Variants in GART observed in about 807,000 individuals in gnomAD.
GART encodes the protein trifunctional purine biosynthetic protein adenosine-3.
A neutral mutation model predicts 107.2 loss-of-function variants in GART; 43 were observed. The observed-to-expected ratio is 0.40, with a 90% CI of 0.31 to 0.52. The LOEUF (loss-of-function observed/expected upper bound fraction) is 0.52. Ranked by LOEUF, GART falls within the 20% of genes least tolerant of loss-of-function variation. The pLI, the probability that GART is intolerant of heterozygous loss-of-function variation, is 0.52. For missense variants in GART, 1,107 were observed against 1,206.5 expected, an observed-to-expected ratio of 0.92 and a Z score of 1.22; for synonymous variants, 434 against 427.0, an observed-to-expected ratio of 1.02 and a Z score of -0.20.
intron 18 of GART, among the ~76,000 whole-genome samples, chr21:33,506,535 G>T (rs1317984568): frequency 2.0e-5 from 3 of 152,036 alleles, no homozygotes; most frequent in Non-Finnish European, 4.4e-5. Flanking sequence ...GATATGTGAG[G>T]CTTCTAAATT....
Position 33,524,960 on chromosome 21 carries a change from A to G in GART, c.1107T>C (p.His369=), listed in dbSNP as rs577498572. ...TGCCATTTTTGAGGGCAGTGCCTGC[A>G]TGGAACACCTCCAGTCCTAGAGCTT... The part of the protein sequence containing the change: ...EAQALGLEVF[H]AGTALKNGKV... Residue 369 remains histidine, a synonymous_variant, in exon 11 of 22, where the codon CAT becomes CAC. Transcript: ENST00000381815. 1.5e-5 allele frequency: 24 copies of G among 1,614,224 alleles called. No homozygotes were observed. Among genetic ancestry groups the G allele is most frequent in the African/African-American group, 8.0e-5 (6 of 75,062 alleles).
In GART at chr21:33,517,584, T is replaced by C; in HGVS notation, c.1727A>G (p.Asp576Gly). The change falls in exon 15 of 22, where the codon GAC becomes GGC. Residue 576 changes from aspartate (D) to glycine (G), a missense_variant. Asp to Gly is a moderately conservative substitution (Grantham distance 94). Transcript: ENST00000381815. The part of the protein sequence containing the change: ...LLGGETAEMP[D>G]MYPPGEYDLA... ...GTCATACTCTCCAGGGGGATACATG[T>C]CAGGCATTTCTGCTGTTTCACCTCC... 2 of 1,614,220 alleles carry C rather than the reference T, an allele frequency of 1.2e-6. No individual in the cohort carries two copies. The highest frequency in any genetic ancestry group is 1.7e-6 in the Non-Finnish European group (2 of 1,180,028).
intron 10 of GART, among the ~76,000 whole-genome samples, chr21:33,526,001 C>G (rs2085067253): frequency 1.3e-5 from 2 of 151,570 alleles, no homozygotes; most frequent in African/African-American, 4.9e-5. Context: ...TCCTGAGTAG[C>G]TGGGACTACA....
At chr21:33,528,756 T>TA (rs57178645) in intron 8 of GART, 94 bp downstream of exon 8, 144,856 of 791,556 alleles carry the variant, frequency 0.18, 2,891 homozygotes, top group Admixed American at 0.21. Flanking sequence ...TAAAAAGTGG[T>TA]AAAAAAAAAA....
chr21:33,528,814 T>C (rs1230187790), intron 8 of GART, 36 bp downstream of exon 8: 1 of 1,410,812 alleles, frequency 7.1e-7, no homozygotes, highest in Non-Finnish European at 9.9e-7. Context: ...AAAGTTACTC[T>C]ATAGGTGGCT....
At position 33,533,602 on chromosome 21, in the gene GART, C is replaced by A. The variant is rs78833496; in HGVS notation, c.416+977G>T. Among the ~76,000 whole-genome samples, 1,265 of 151,676 alleles carry A rather than the reference C, an allele frequency of 8.3e-3. 22 individuals are homozygous for A. The highest frequency in any genetic ancestry group is 0.029 in the African/African-American group (1,218 of 41,358). Reference sequence around the variant, plus strand: ...TTCTTTATGTTGTAAGATGCCACTGCGTTTGTCAATCTGACCGTGAGGCCT... The same window carrying A: ...TTCTTTATGTTGTAAGATGCCACTGAGTTTGTCAATCTGACCGTGAGGCCT... On this transcript the variant is annotated intron_variant, in intron 4 of 21. Transcript: ENST00000381815.
intron 12 of GART, among the ~76,000 whole-genome samples, 162 bp downstream of exon 12, chr21:33,522,026 A>T (rs1405637952): frequency 6.6e-6 from 1 of 152,178 alleles, no homozygotes; most frequent in African/African-American, 2.4e-5. Flanking sequence ...AAATACTTTA[A>T]TATTAAAGAA....
chr21:33,509,403 C>T (rs974507452), intron 18 of GART: 26 of 164,426 alleles, frequency 1.6e-4, no homozygotes, highest in Non-Finnish European at 3.9e-5. Flanking sequence ...TGAGAGAATA[C>T]AATACTCTTA....
chr21:33,516,246 TAAAAA>T (rs11321647), intron 16 of GART, among the ~76,000 whole-genome samples: 5 of 95,194 alleles, frequency 5.3e-5, no homozygotes, highest in African/African-American at 2.0e-4. Context: ...AGACTCTGTC[TAAAAA>T]AAAAAAAAAA....
Position 33,505,998 on chromosome 21 carries a change from C to T in GART, c.2559G>A (p.Ala853=), listed in dbSNP as rs763016241. 1.7e-5 allele frequency: 28 copies of T among 1,613,960 alleles called. No individual in the cohort carries two copies. The highest frequency in any genetic ancestry group is 6.7e-5 in the East Asian group (3 of 44,902). Residue 853 remains alanine, a synonymous_variant, in exon 19 of 22, where the codon GCG becomes GCA. Coordinates refer to ENST00000381815, the MANE Select transcript of GART (RefSeq NM_000819.5). ...NKAAVAGLDK[A]ERAGIPTRVI... is the part of the protein sequence containing the mutation. ...CTCTAGTGGGAATACCAGCTCTTTC[C>T]GCTTTATCTAACCCAGCTACTGCGG...
At chr21:33,518,520 C>A in intron 14 of GART, 2 of 182,258 alleles carry the variant, frequency 1.1e-5, no homozygotes, top group South Asian at 2.1e-4. Flanking sequence ...TAAGCAAAAA[C>A]TGAAAAGAGC....
rs1257257235 is a variant in GART at position 33,528,831 on chromosome 21, G to A, written c.811+19C>T. 1.6e-5 allele frequency: 25 copies of A among 1,547,884 alleles called. No homozygotes were observed. The highest frequency in any genetic ancestry group is 6.8e-5 in the East Asian group (3 of 44,256). On this transcript the variant is annotated intron_variant, in intron 8 of 21. Transcript: ENST00000381815. The stretch of plus-strand genomic sequence containing the variant: ...AGTTACTCTATAGGTGGCTTCCATA[G>A]TAATGTGGGTGGGCCTACCTGTATA...
chr21:33,511,510 T>C, intron 16 of GART, 52 bp from the exon 17 acceptor site: 1 of 1,509,024 alleles, frequency 6.6e-7, no homozygotes, highest in Non-Finnish European at 9.2e-7. Flanking sequence ...TCACACAAAG[T>C]ACAAAAGTAT....
In GART at chr21:33,536,899, T is replaced by C. The variant is rs116577121; in HGVS notation, c.146-1579A>G. Among the ~76,000 whole-genome samples the C allele has an allele frequency of 6.6e-3, 999 of 152,350 alleles. 13 individuals are homozygous for C. Among genetic ancestry groups the C allele is most frequent in the African/African-American group, 0.023 (961 of 41,578 alleles). ...TTCTGAAATTTTCCATTTAATATTTTGGACTACAGCTGACTGTGGGTAACT... is the reference window on the plus strand; with the variant it reads ...TTCTGAAATTTTCCATTTAATATTTCGGACTACAGCTGACTGTGGGTAACT... On this transcript the variant is annotated intron_variant, in intron 2 of 21. Coordinates refer to ENST00000381815, the MANE Select transcript of GART (RefSeq NM_000819.5).
At position 33,524,189 on chromosome 21, in the gene GART, T is replaced by G. The variant is rs954774004; in HGVS notation, c.1298+580A>C. On this transcript the variant is annotated intron_variant, in intron 11 of 21. Transcript: ENST00000381815. Reference sequence around the variant, plus strand: ...AAGTTAGATGACCAGTATTCTCATCTTCAGTTCTTTGATAAAACCATGAAC... The same window carrying G: ...AAGTTAGATGACCAGTATTCTCATCGTCAGTTCTTTGATAAAACCATGAAC... The G allele has an allele frequency of 6.1e-6, 6 of 985,168 alleles. No individual in the cohort carries two copies. The African/African-American group carries it at 8.7e-5, about 14-fold the overall frequency. 61.0% of individuals were successfully genotyped at this position (985,168 alleles called of 1,614,324 possible). A position where few individuals can be genotyped will look rare whatever the true frequency, so the allele number is the denominator to read the frequency against.
At chr21:33,542,588 T>A (rs1187253319), upstream of GART, 1 of 158,830 alleles carries the variant, frequency 6.3e-6, no homozygotes, top group Admixed American at 6.2e-5. Context: ...TCCTCTCACA[T>A]GCCAGTGGGG....
chr21:33,512,511 A>T (rs2084803743), intron 16 of GART, among the ~76,000 whole-genome samples: 1 of 152,126 alleles, frequency 6.6e-6, no homozygotes, highest in African/African-American at 2.4e-5. Flanking sequence ...AAGAAAGGGA[A>T]GCCAATGTGA....
intron 16 of GART, among the ~76,000 whole-genome samples, chr21:33,512,877 G>A (rs1269659809): frequency 6.6e-6 from 1 of 151,600 alleles, no homozygotes; most frequent in Non-Finnish European, 1.5e-5. Flanking sequence ...GAGCCATCAT[G>A]CTCAGCTGAT....
chr21:33,538,843 T>A (rs560648687), intron 2 of GART, among the ~76,000 whole-genome samples: 3 of 152,260 alleles, frequency 2.0e-5, no homozygotes, highest in African/African-American at 7.2e-5. Context: ...TGCAGTGGCA[T>A]GATGTCAGCT....
Sources: gnomAD v4.1 joint callset for allele counts (sites outside exome capture counted in the v4.1 genomes callset) on GRCh38, gnomAD v4.1.1 for gene constraint, MANE v1.5 for transcripts, NCBI Gene and HGNC (gene_info 2026-07-23, HGNC 2026-07-21) for gene names.